Variants in DHX35 observed in about 807,000 individuals in gnomAD.
DHX35 encodes the protein DEAH-box helicase 35, also known as probable ATP-dependent RNA helicase DHX35.
DHX35 carries 84 observed loss-of-function variants against 99.6 expected under a neutral mutation model. The ratio of observed to expected loss-of-function variants is 0.84; its 90% CI spans 0.71 to 1.01. The LOEUF is 1.01. Among genes scored for constraint, DHX35 ranks in the 50% least tolerant of loss-of-function variants. The pLI is 0.00. For missense variants in DHX35, 852 were observed against 888.5 expected (o/e 0.96, Z 0.52); for synonymous variants, 331 against 316.2 (o/e 1.05, Z -0.50).
chr20:38,986,936 T>G (rs1225862031), intron 4 of DHX35, among the ~76,000 whole-genome samples: 1 of 152,240 alleles, frequency 6.6e-6, no homozygotes, highest in East Asian at 1.9e-4. Flanking sequence ...AACGCCTGGG[T>G]GTGCCTAGCT....
chr20:39,016,454 G>A (rs1454516676), intron 14 of DHX35, among the ~76,000 whole-genome samples: 1 of 152,156 alleles, frequency 6.6e-6, no homozygotes, highest in Non-Finnish European at 1.5e-5. Context: ...CCTTCATGTT[G>A]TAACGTATAT....
Position 38,965,297 on chromosome 20 carries a change from A to G in DHX35, c.40+2890A>G, listed in dbSNP as rs78071755. 6.5e-3 allele frequency among the ~76,000 whole-genome samples: 987 copies of G among 152,322 alleles called. 6 individuals are homozygous for G. The highest frequency in any genetic ancestry group is 0.021 in the African/African-American group (890 of 41,574). On this transcript the variant is annotated intron_variant, in intron 1 of 21. Transcript: ENST00000252011. The stretch of plus-strand genomic sequence containing the variant: ...TCTCTGTGATGACAGTAATACTCTT[A>G]TTTTAGTGAGGAAATTCAAGATATG...
intron 8 of DHX35, among the ~76,000 whole-genome samples, chr20:38,995,221 T>C (rs1339869132): frequency 1.3e-5 from 2 of 152,198 alleles, no homozygotes; most frequent in African/African-American, 4.8e-5. Context: ...TAGATTTTTC[T>C]GTGCAATTGA....
rs773568231 is a variant in DHX35 at position 38,991,445 on chromosome 20, A to G, written c.451-9A>G. 1.2e-6 allele frequency: 2 copies of G among 1,610,644 alleles called. No homozygotes were observed. Among genetic ancestry groups the G allele is most frequent in the African/African-American group, 1.3e-5 (1 of 74,768 alleles). ...ATTATTTCTAAAGCTTTGTGTTTTT[A>G]TTTTTTAGTTTCTTACTGATGGAAT... On this transcript the variant is annotated splice_polypyrimidine_tract_variant and intron_variant, in intron 5 of 21. Transcript: ENST00000252011.
At chr20:39,005,207 A>C (rs62202590) in intron 11 of DHX35, among the ~76,000 whole-genome samples, 1 of 152,226 alleles carries the variant, frequency 6.6e-6, no homozygotes, top group Non-Finnish European at 1.5e-5. Context: ...ACTGCTATAT[A>C]TATGTGTCCC....
At chr20:39,025,139 A>C (rs1478374847) in intron 17 of DHX35, 91 bp from the exon 18 acceptor site, 9 of 1,430,322 alleles carry the variant, frequency 6.3e-6, no homozygotes, top group Non-Finnish European at 7.5e-6. Context: ...TGAACAGCAC[A>C]TGGGGGAAGA....
At chr20:39,028,955 G>A (rs1473864140) in intron 19 of DHX35, among the ~76,000 whole-genome samples, 1 of 152,180 alleles carries the variant, frequency 6.6e-6, no homozygotes, top group East Asian at 1.9e-4. Flanking sequence ...TGTGCTGGAT[G>A]TGCCTCCTGC....
At chr20:38,968,134 G>A (rs150279934) in intron 1 of DHX35, among the ~76,000 whole-genome samples, 5 of 152,314 alleles carry the variant, frequency 3.3e-5, no homozygotes, top group East Asian at 3.9e-4. Context: ...AGAGTGGTAC[G>A]TGACATGGAG....
intron 21 of DHX35, among the ~76,000 whole-genome samples, chr20:39,037,346 T>C (rs2087170837): frequency 6.6e-6 from 1 of 152,184 alleles, no homozygotes; most frequent in South Asian, 2.1e-4. Flanking sequence ...ATATCTTCAT[T>C]ATTAGGGAAA....
rs1170890101 is a variant in DHX35 at position 39,039,557 on chromosome 20, C to G, written c.*1014C>G. ...TTCAATGACCTTTATTTTAAAAACA[C>G]ATAGCTTGAAAATTTATTTTTATAC... On this transcript the variant is annotated 3_prime_UTR_variant, in exon 22 of 22. Transcript: ENST00000252011. 1 of 152,188 alleles carries G rather than the reference C, an allele frequency of 6.6e-6. No homozygotes were observed. The highest frequency in any genetic ancestry group is 1.5e-5 in the Non-Finnish European group (1 of 68,040). 9.4% of individuals were successfully genotyped at this position (152,188 alleles called of 1,614,324 possible).
intron 3 of DHX35, among the ~76,000 whole-genome samples, chr20:38,979,065 G>A (rs534805045): frequency 5.9e-5 from 9 of 152,264 alleles, no homozygotes; most frequent in Admixed American, 2.6e-4. Flanking sequence ...CTGTTTTTAT[G>A]TGAGGACCAT....
intron 3 of DHX35, among the ~76,000 whole-genome samples, chr20:38,974,041 A>G (rs534386254): frequency 2.6e-5 from 4 of 152,340 alleles, no homozygotes; most frequent in Middle Eastern, 3.4e-3. Flanking sequence ...GTATGTGCAC[A>G]TTCTCCTGCT....
At chr20:38,993,268 C>A (rs2086369363) in intron 7 of DHX35, among the ~76,000 whole-genome samples, 1 of 152,206 alleles carries the variant, frequency 6.6e-6, no homozygotes, top group African/African-American at 2.4e-5. Flanking sequence ...CCACTAGCCA[C>A]CTGTAGCTAT....
chr20:38,988,936 T>C lies in DHX35; in HGVS notation c.450+19T>C. On this transcript the variant is annotated intron_variant, in intron 5 of 21. Coordinates refer to ENST00000252011, the MANE Select transcript of DHX35 (RefSeq NM_021931.4). ...AATTAAGGTAAAGTGCTCAAGCTGC[T>C]TTTCCTAGTGGAAATAAGGAAGAAG... 1 of 1,608,258 alleles carries C rather than the reference T, an allele frequency of 6.2e-7. No individual in the cohort carries two copies. Among genetic ancestry groups the C allele is most frequent in the Non-Finnish European group, 8.5e-7 (1 of 1,175,482 alleles).
chr20:38,992,926 C>G (rs2086363172), intron 7 of DHX35, among the ~76,000 whole-genome samples: 1 of 152,112 alleles, frequency 6.6e-6, no homozygotes, highest in East Asian at 1.9e-4. Context: ...TTTTCTTTAA[C>G]TTTTTATTAT....
At chr20:39,012,704 T>C (rs756336960) in intron 13 of DHX35, among the ~76,000 whole-genome samples, 1 of 152,176 alleles carries the variant, frequency 6.6e-6, no homozygotes, top group Non-Finnish European at 1.5e-5. Context: ...TAATTTTTTG[T>C]ATTTTTAGTA....
chr20:39,026,923 C>T (rs957501860), intron 18 of DHX35, among the ~76,000 whole-genome samples: 1 of 152,084 alleles, frequency 6.6e-6, no homozygotes, highest in Non-Finnish European at 1.5e-5. Context: ...GTGTTCTTCA[C>T]CTGTGTTTCA....
intron 4 of DHX35, among the ~76,000 whole-genome samples, chr20:38,984,663 T>C (rs2086223658): frequency 1.3e-5 from 2 of 152,184 alleles, no homozygotes; most frequent in African/African-American, 4.8e-5. Flanking sequence ...AATTAGCACA[T>C]GTATTCTTCT....
chr20:39,037,428 G>C (rs1006298537), intron 21 of DHX35, among the ~76,000 whole-genome samples: 1 of 152,248 alleles, frequency 6.6e-6, no homozygotes, highest in Admixed American at 6.5e-5. Flanking sequence ...GAAAGTCTGA[G>C]TTCTTGTAGC....
Sources: gnomAD v4.1 joint callset for allele counts (sites outside exome capture counted in the v4.1 genomes callset) on GRCh38, gnomAD v4.1.1 for gene constraint, MANE v1.5 for transcripts, NCBI Gene and HGNC (gene_info 2026-07-23, HGNC 2026-07-21) for gene names.